The following ABCG8 variants were observed in gnomAD, a reference collection of about 807,000 sequenced individuals.
ABCG8 encodes ATP binding cassette subfamily G member 8.
A neutral mutation model predicts 71.3 loss-of-function variants in ABCG8; 81 were observed. That is an observed-to-expected ratio of 1.14 (90% confidence interval 0.95 to 1.37). The LOEUF (loss-of-function observed/expected upper bound fraction) is 1.37, where lower values mean the gene tolerates loss of function less well. ABCG8 is among the 40% of genes most tolerant of loss of function. ABCG8 has a pLI of 0.00. For missense variants in ABCG8, 1,119 were observed against 866.2 expected (o/e 1.29, Z -3.66); for synonymous variants, 451 against 354.7 (o/e 1.27, Z -3.05).
At chr2:43,851,494 G>C (rs113337352) in intron 3 of ABCG8, 90 bp from the exon 4 acceptor site, 3 of 1,427,212 alleles carry the variant, frequency 2.1e-6, no homozygotes. Flanking sequence ...AGAGTAGTCC[G>C]GGGTCCTGGA....
chr2:43,859,665 C>T (rs1418336509), intron 6 of ABCG8, among the ~76,000 whole-genome samples: 2 of 151,110 alleles, frequency 1.3e-5, no homozygotes, highest in African/African-American at 4.8e-5. Flanking sequence ...AGATAGAACT[C>T]TCACTATCTG....
At chr2:43,866,029 GA>G (rs1416252696) in intron 6 of ABCG8, among the ~76,000 whole-genome samples, 2 of 152,090 alleles carry the variant, frequency 1.3e-5, no homozygotes, top group Admixed American at 1.3e-4. Context: ...AGAGCCCTCA[GA>G]AATAACGCCG....
In ABCG8 at chr2:43,875,202, C is replaced by A. The variant is rs767221496; in HGVS notation, c.1545C>A (p.Thr515=). The change falls in exon 11 of 13, where the codon ACC becomes ACA. Residue 515 remains threonine, a synonymous_variant. Transcript: ENST00000272286. The stretch of plus-strand genomic sequence containing the variant: ...ACATCATCATCTACGGGATGCCCAC[C>A]TACTGGCTGGCCAACCTGAGGCCAG... ...CAYIIIYGMP[T]YWLANLRPGL... 1 of 1,614,136 alleles carries A rather than the reference C, an allele frequency of 6.2e-7. No individual in the cohort carries two copies. The highest frequency in any genetic ancestry group is 1.7e-5 in the Admixed American group (1 of 60,012).
chr2:43,855,626 C>A (rs1022976692), intron 6 of ABCG8, among the ~76,000 whole-genome samples: 1 of 152,158 alleles, frequency 6.6e-6, no homozygotes, highest in African/African-American at 2.4e-5. Flanking sequence ...GGATAGAAAT[C>A]TCACTATCTG....
At chr2:43,853,656 A>G (rs1669001882) in intron 6 of ABCG8, among the ~76,000 whole-genome samples, 1 of 152,176 alleles carries the variant, frequency 6.6e-6, no homozygotes, top group South Asian at 2.1e-4. Flanking sequence ...CATGGGGCCC[A>G]AACATGCCAG....
intron 6 of ABCG8, among the ~76,000 whole-genome samples, chr2:43,853,243 T>A (rs780813144): frequency 4.6e-5 from 7 of 152,176 alleles, no homozygotes; most frequent in Non-Finnish European, 7.4e-5. Context: ...TGCCCTGGTG[T>A]TCCCACAGTG....
intron 6 of ABCG8, among the ~76,000 whole-genome samples, chr2:43,863,628 C>T (rs1187624309): frequency 1.3e-5 from 2 of 151,404 alleles, no homozygotes; most frequent in Non-Finnish European, 3.0e-5. Context: ...ATAAAATTCT[C>T]ACCATCTGGA....
intron 6 of ABCG8, among the ~76,000 whole-genome samples, chr2:43,864,610 G>C (rs576225814): frequency 6.6e-6 from 1 of 151,604 alleles, no homozygotes; most frequent in East Asian, 1.9e-4. Flanking sequence ...CTCACTATCT[G>C]TCTAGGTAGA....
At chr2:43,860,874 C>T (rs1669290271) in intron 6 of ABCG8, among the ~76,000 whole-genome samples, 1 of 151,288 alleles carries the variant, frequency 6.6e-6, no homozygotes. Flanking sequence ...GGATAGAATT[C>T]TCACTCTCTG....
intron 6 of ABCG8, among the ~76,000 whole-genome samples, chr2:43,860,707 C>G (rs1299854636): frequency 1.3e-5 from 2 of 151,500 alleles, no homozygotes; most frequent in East Asian, 3.9e-4. Context: ...GGATAGAATT[C>G]TCACCCTCTG....
At chr2:43,874,885 G>T (rs559771347) in intron 10 of ABCG8, among the ~76,000 whole-genome samples, 2 of 152,240 alleles carry the variant, frequency 1.3e-5, no homozygotes, top group South Asian at 4.2e-4. Context: ...GTAGGGACTT[G>T]AAACCAGGTC....
intron 3 of ABCG8, among the ~76,000 whole-genome samples, chr2:43,851,150 T>C (rs1030581753): frequency 3.3e-4 from 50 of 152,154 alleles, no homozygotes; most frequent in African/African-American, 1.1e-3. Context: ...CCAACCGACA[T>C]TGAATAATGA....
At chr2:43,877,497 C>T (rs373380253) in intron 11 of ABCG8, 64 bp from the exon 12 acceptor site, 30 of 1,609,460 alleles carry the variant, frequency 1.9e-5, no homozygotes, top group South Asian at 8.9e-5. Flanking sequence ...GGAGACCATG[C>T]GAATATGGGG....
In ABCG8 at chr2:43,877,913, A is replaced by T; in HGVS notation, c.2022A>T (p.Ter674CysextTer30). Residue 674 changes from the stop codon to cysteine (C), a stop_lost, in exon 13 of 13, where the codon TGA becomes TGT. Coordinates refer to ENST00000272286, the MANE Select transcript of ABCG8 (RefSeq NM_022437.3). Reference sequence around the variant, plus strand: ...AACAGAAACCAAGTCAAGACTGGTGATTCACGCCAGACGTCTGCCCGCTGG... The same window carrying T: ...AACAGAAACCAAGTCAAGACTGGTGTTTCACGCCAGACGTCTGCCCGCTGG... ...FIKQKPSQDW[*>C] The T allele has an allele frequency of 6.2e-7, 1 of 1,614,082 alleles. No homozygotes were observed. The highest frequency in any genetic ancestry group is 8.5e-7 in the Non-Finnish European group (1 of 1,180,014).
chr2:43,868,575 TCTCA>T (rs1201664869), intron 6 of ABCG8, among the ~76,000 whole-genome samples: 3 of 152,032 alleles, frequency 2.0e-5, no homozygotes, highest in African/African-American at 7.2e-5. Flanking sequence ...TGGAGAGAAC[TCTCA>T]CTATCTGGAT....
intron 1 of ABCG8, among the ~76,000 whole-genome samples, chr2:43,839,495 C>T (rs937931687): frequency 3.1e-5 from 4 of 129,784 alleles, no homozygotes; most frequent in Non-Finnish European, 6.2e-5. Flanking sequence ...GGCGTGATCT[C>T]GGCTCACTGC....
intron 8 of ABCG8, among the ~76,000 whole-genome samples, chr2:43,873,562 T>C (rs1286668152): frequency 2.0e-5 from 3 of 152,184 alleles, no homozygotes; most frequent in Non-Finnish European, 4.4e-5. Context: ...ATTGCCAAGC[T>C]GATACATTCA....
intron 6 of ABCG8, among the ~76,000 whole-genome samples, chr2:43,861,023 T>C (rs1307468754): frequency 6.6e-6 from 1 of 151,142 alleles, no homozygotes; most frequent in Non-Finnish European, 1.5e-5. Context: ...GTTAGAATTA[T>C]CACTATCTAT....
In ABCG8 at chr2:43,844,170, G is replaced by GT. The variant is rs4148225; in HGVS notation, c.64-330dup. Among the ~76,000 whole-genome samples, 38 of 152,206 alleles carry GT rather than the reference G, an allele frequency of 2.5e-4. 1 individual carries two copies. In the East Asian group the frequency reaches 6.4e-3, roughly 26 times the overall value. The stretch of plus-strand genomic sequence containing the variant: ...AGTCAGGTCTTCTCAGAGCACAGAG[G>GT]TTTTTTTATAGAACTCTCTCCGGTC... On this transcript the variant is annotated intron_variant, in intron 1 of 12. Coordinates refer to ENST00000272286, the MANE Select transcript of ABCG8 (RefSeq NM_022437.3).
Sources: allele counts gnomAD v4.1 joint callset (sites outside exome capture counted in the v4.1 genomes callset), GRCh38; gene constraint gnomAD v4.1.1; transcripts MANE v1.5; gene names NCBI Gene and HGNC (gene_info 2026-07-23, HGNC 2026-07-21).